The following SAMSN1 variants were observed in gnomAD, a reference collection of about 807,000 sequenced individuals.
SAMSN1 encodes SAM domain-containing protein SAMSN-1.
Under a neutral mutation model 42.0 loss-of-function variants are expected in SAMSN1, and 31 were observed. The observed-to-expected ratio is 0.74, with a 90% confidence interval of 0.55 to 1.00. The LOEUF (loss-of-function observed/expected upper bound fraction) is 1.00. Ranked by LOEUF, SAMSN1 falls within the 50% of genes least tolerant of loss-of-function variation. The pLI is 0.00. For missense variants in SAMSN1, 464 were observed against 439.4 expected (o/e 1.06, Z -0.50); for synonymous variants, 178 against 151.9 (o/e 1.17, Z -1.26).
At chr21:14,555,273 C>T (rs1466002655) in intron 2 of SAMSN1, among the ~76,000 whole-genome samples, 1 of 152,148 alleles carries the variant, frequency 6.6e-6, no homozygotes, top group Non-Finnish European at 1.5e-5. Context: ...AGTTGACATC[C>T]TTTCTATCCT....
intron 7 of SAMSN1, among the ~76,000 whole-genome samples, chr21:14,494,033 T>A (rs944197052): frequency 6.6e-6 from 1 of 152,110 alleles, no homozygotes; most frequent in Non-Finnish European, 1.5e-5. Context: ...CCAGTTAGAA[T>A]CAGGATCATT....
chr21:14,526,906 T>C (rs1195673396), intron 1 of SAMSN1, among the ~76,000 whole-genome samples: 1 of 152,184 alleles, frequency 6.6e-6, no homozygotes, highest in African/African-American at 2.4e-5. Context: ...CAGAAGAACT[T>C]GACCCTCATT....
chr21:14,502,774 G>C (rs554814740), intron 5 of SAMSN1, among the ~76,000 whole-genome samples: 2 of 152,276 alleles, frequency 1.3e-5, no homozygotes, highest in South Asian at 4.1e-4. Flanking sequence ...GGAGCTTACT[G>C]TGGGGAACAG....
At chr21:14,522,541 T>C (rs1359980817) in intron 1 of SAMSN1, among the ~76,000 whole-genome samples, 2 of 152,198 alleles carry the variant, frequency 1.3e-5, no homozygotes, top group Non-Finnish European at 2.9e-5. Flanking sequence ...CCTCCCTTAA[T>C]GCTCTCAATG....
chr21:14,529,899 C>T (rs1394289299), intron 1 of SAMSN1, among the ~76,000 whole-genome samples: 1 of 152,132 alleles, frequency 6.6e-6, no homozygotes, highest in Non-Finnish European at 1.5e-5. Flanking sequence ...CAGAATGATA[C>T]ACTAAAATAA....
At chr21:14,628,898 C>T (rs796690670) in intron 2 of SAMSN1, among the ~76,000 whole-genome samples, 6 of 152,226 alleles carry the variant, frequency 3.9e-5, no homozygotes, top group African/African-American at 1.2e-4. Flanking sequence ...AGGGTTGATA[C>T]TATTACAATT....
At chr21:14,620,356 G>T (rs1257672727) in intron 2 of SAMSN1, among the ~76,000 whole-genome samples, 1 of 148,618 alleles carries the variant, frequency 6.7e-6, no homozygotes, top group Non-Finnish European at 1.5e-5. Context: ...TTCATAAGTG[G>T]TTAACAGTTC....
Position 14,596,147 on chromosome 21 carries a change from G to A in SAMSN1, c.400-2069C>T, listed in dbSNP as rs533851025. ...CACATCATTAATGCAGTATAACTTC[G>A]GATAAGGAAATGAGAGAATCCAATA... On this transcript the variant is annotated intron_variant, in intron 6 of 15. Coordinates refer to the SAMSN1 transcript ENST00000647101. 2.6e-4 allele frequency among the ~76,000 whole-genome samples: 39 copies of A among 152,102 alleles called. 1 individual carries two copies. The highest frequency in any genetic ancestry group is 8.2e-4 in the African/African-American group (34 of 41,504).
At chr21:14,550,749 A>G (rs1325134625), upstream of SAMSN1, among the ~76,000 whole-genome samples, 1 of 152,096 alleles carries the variant, frequency 6.6e-6, no homozygotes, top group Admixed American at 6.6e-5. Flanking sequence ...GAAAAAAGAC[A>G]GTAACACAGA....
At chr21:14,578,222 CT>C (rs1394216024) in intron 2 of SAMSN1, among the ~76,000 whole-genome samples, 1 of 152,086 alleles carries the variant, frequency 6.6e-6, no homozygotes, top group Admixed American at 6.6e-5. Context: ...GTGAGTAGGA[CT>C]GAAACCACCT....
intron 2 of SAMSN1, among the ~76,000 whole-genome samples, chr21:14,561,725 C>G (rs535204066): frequency 6.6e-6 from 1 of 152,310 alleles, no homozygotes; most frequent in East Asian, 1.9e-4. Flanking sequence ...TCATATGAAG[C>G]AGGGTGAACC....
intron 2 of SAMSN1, among the ~76,000 whole-genome samples, chr21:14,635,932 G>A (rs768334711): frequency 1.3e-5 from 2 of 152,020 alleles, no homozygotes; most frequent in South Asian, 2.1e-4. Context: ...TTTACATTTG[G>A]TATTTCTCCT....
At chr21:14,619,652 C>A in intron 2 of SAMSN1, 1 of 320,842 alleles carries the variant, frequency 3.1e-6, no homozygotes, top group Admixed American at 4.0e-5. Flanking sequence ...CCTCACCTAT[C>A]ACAAAGTTCA....
chr21:14,594,449 T>C (rs1982196155), intron 6 of SAMSN1, among the ~76,000 whole-genome samples: 1 of 152,128 alleles, frequency 6.6e-6, no homozygotes. Flanking sequence ...GGATCCCGAA[T>C]GTTTTATGAA....
At chr21:14,532,672 T>C (rs1488387238) in intron 1 of SAMSN1, among the ~76,000 whole-genome samples, 2 of 152,140 alleles carry the variant, frequency 1.3e-5, no homozygotes, top group African/African-American at 2.4e-5. Context: ...TTGAAGGAAC[T>C]GTATTTTTAA....
chr21:14,572,648 T>C (rs975379261), intron 2 of SAMSN1, among the ~76,000 whole-genome samples: 2 of 152,186 alleles, frequency 1.3e-5, no homozygotes, highest in Non-Finnish European at 2.9e-5. Flanking sequence ...ATAGAGCTAG[T>C]AGAAGAGCAA....
chr21:14,625,499 G>T (rs922273337), intron 2 of SAMSN1, among the ~76,000 whole-genome samples: 1 of 152,120 alleles, frequency 6.6e-6, no homozygotes, highest in African/African-American at 2.4e-5. Context: ...CAAACAGAGA[G>T]CCAAATCATG....
chr21:14,657,163 A>G (rs1019870251), intron 1 of SAMSN1, among the ~76,000 whole-genome samples: 12 of 151,906 alleles, frequency 7.9e-5, no homozygotes, highest in Non-Finnish European at 7.4e-5. Context: ...ACAAGAAGGA[A>G]TAAAAAACAC....
At chr21:14,488,938 A>G (rs1986558346) in intron 7 of SAMSN1, among the ~76,000 whole-genome samples, 1 of 152,182 alleles carries the variant, frequency 6.6e-6, no homozygotes, top group South Asian at 2.1e-4. Context: ...TACGGAGATG[A>G]AAGCTATATC....
Sources: allele counts gnomAD v4.1 joint callset (sites outside exome capture counted in the v4.1 genomes callset), GRCh38; gene constraint gnomAD v4.1.1; transcripts MANE v1.5; gene names NCBI Gene and HGNC (gene_info 2026-07-23, HGNC 2026-07-21).